PARD3B: variants seen among roughly 807,000 people sequenced by gnomAD.
The protein encoded by PARD3B is partitioning defective 3 homolog B.
In PARD3B, 103 loss-of-function variants were observed where a neutral mutation model predicts 130.2. The ratio of observed to expected loss-of-function variants is 0.79; its 90% CI spans 0.67 to 0.93. The LOEUF (loss-of-function observed/expected upper bound fraction) is 0.93. Among genes scored for constraint, PARD3B ranks in the 40% least tolerant of loss-of-function variants. The probability of loss-of-function intolerance (pLI) is 0.00; values close to 1 mark genes in which losing one functional copy is unlikely to be tolerated. For synonymous variants in PARD3B, 583 were observed against 553.2 expected, an observed-to-expected ratio of 1.05 and a Z score of -0.76; for missense variants, 1,609 against 1,499.2, an observed-to-expected ratio of 1.07 and a Z score of -1.21.
chr2:205,231,329 A>G (rs1371857921), intron 15 of PARD3B, among the ~76,000 whole-genome samples: 1 of 141,610 alleles, frequency 7.1e-6, no homozygotes. Flanking sequence ...TAGATTAACT[A>G]TTTTTTTTTT....
At chr2:205,136,866 G>A (rs769374607) in intron 10 of PARD3B, among the ~76,000 whole-genome samples, 4 of 152,102 alleles carry the variant, frequency 2.6e-5, no homozygotes, top group Non-Finnish European at 5.9e-5. Context: ...GTCCACATTG[G>A]AGATGACAGG....
chr2:205,050,707 G>T, intron 4 of PARD3B, among the ~76,000 whole-genome samples: 1 of 150,570 alleles, frequency 6.6e-6, no homozygotes. Context: ...ATTTTCACCT[G>T]TTTTTACTTT....
chr2:204,839,667 G>T (rs1463275989), intron 2 of PARD3B, among the ~76,000 whole-genome samples: 1 of 152,006 alleles, frequency 6.6e-6, no homozygotes, highest in South Asian at 2.1e-4. Flanking sequence ...CTCATTTTGT[G>T]TGTGCATTTG....
intron 21 of PARD3B, among the ~76,000 whole-genome samples, chr2:205,523,109 CTATCTGTTATGA>C (rs2051154105): frequency 6.6e-6 from 1 of 151,398 alleles, no homozygotes; most frequent in East Asian, 1.9e-4. Context: ...TAACTCATTT[CTATCTGTTATGA>C]TAACTGGGAT....
At chr2:205,209,474 A>G (rs1416060688) in intron 15 of PARD3B, among the ~76,000 whole-genome samples, 3 of 152,234 alleles carry the variant, frequency 2.0e-5, no homozygotes, top group Admixed American at 6.6e-5. Context: ...GAATGGAACA[A>G]AATACTTAAG....
intron 1 of PARD3B, among the ~76,000 whole-genome samples, chr2:204,643,684 G>A (rs2035171890): frequency 6.6e-6 from 1 of 152,090 alleles, no homozygotes; most frequent in Non-Finnish European, 1.5e-5. Context: ...CACACTGGAA[G>A]AAGACAATTC....
At chr2:205,354,076 A>G (rs1574784998) in intron 18 of PARD3B, among the ~76,000 whole-genome samples, 1 of 121,850 alleles carries the variant, frequency 8.2e-6, no homozygotes. Context: ...TCTGTTGCCC[A>G]GGCTGGAGTG....
rs1272082785 is a variant in PARD3B at position 205,530,454 on chromosome 2, C to T, written c.3181-22870C>T. ...AAAATAATTTAAATGTTTGTTGATT[C>T]GTTATTGTCTTTTTGTTTTTATTTT... On this transcript the variant is annotated intron_variant, in intron 21 of 22. Transcript: ENST00000406610. The surrounding 1 kb of genome is among the most constrained non-coding windows in gnomAD (Gnocchi z 4.7). Among the ~76,000 whole-genome samples, 3 of 152,136 alleles carry T rather than the reference C, an allele frequency of 2.0e-5. No individual in the cohort carries two copies. The highest frequency in any genetic ancestry group is 6.5e-5 in the Admixed American group (1 of 15,278).
At chr2:204,706,617 G>A (rs1367886070) in intron 2 of PARD3B, among the ~76,000 whole-genome samples, 6 of 152,222 alleles carry the variant, frequency 3.9e-5, no homozygotes, top group Non-Finnish European at 7.4e-5. Flanking sequence ...AGATTTTAAG[G>A]TATAGAGGAG....
At chr2:205,248,508 C>T (rs1273384126) in intron 16 of PARD3B, among the ~76,000 whole-genome samples, 3 of 151,794 alleles carry the variant, frequency 2.0e-5, no homozygotes, top group Non-Finnish European at 4.4e-5. Context: ...TTTAAATTCA[C>T]CTGTAGTCTC....
intron 15 of PARD3B, among the ~76,000 whole-genome samples, chr2:205,240,690 A>G (rs2039314178): frequency 6.6e-6 from 1 of 152,196 alleles, no homozygotes; most frequent in Non-Finnish European, 1.5e-5. Flanking sequence ...TCTGGGGCCC[A>G]TTAACTCACC....
intron 2 of PARD3B, among the ~76,000 whole-genome samples, chr2:204,889,380 A>T (rs1039873613): frequency 2.0e-5 from 3 of 152,232 alleles, no homozygotes; most frequent in African/African-American, 4.8e-5. Flanking sequence ...TATAAAAGGG[A>T]TGCTGATATT....
chr2:205,498,070 G>C (rs1211282299), intron 20 of PARD3B, among the ~76,000 whole-genome samples: 1 of 148,700 alleles, frequency 6.7e-6, no homozygotes, highest in African/African-American at 2.5e-5. Context: ...CGTGGTGGCA[G>C]GCGCCTGTAA....
chr2:205,415,100 A>G (rs899269989), intron 19 of PARD3B, among the ~76,000 whole-genome samples: 15 of 152,298 alleles, frequency 9.8e-5, no homozygotes, highest in African/African-American at 3.6e-4. Context: ...AAATGAATGC[A>G]TATTGAAAAA....
intron 3 of PARD3B, among the ~76,000 whole-genome samples, chr2:205,004,263 A>C (rs370265608): frequency 8.5e-5 from 13 of 152,226 alleles, no homozygotes; most frequent in Non-Finnish European, 1.6e-4. Context: ...GTGCATTGTC[A>C]GTGCAGATGA....
At chr2:205,382,997 A>T (rs1259019324) in intron 18 of PARD3B, among the ~76,000 whole-genome samples, 1 of 151,994 alleles carries the variant, frequency 6.6e-6, no homozygotes, top group African/African-American at 2.4e-5. Context: ...TTTATTGTAG[A>T]AACCAAGATC....
At chr2:205,380,082 AT>A (rs1388109047) in intron 18 of PARD3B, among the ~76,000 whole-genome samples, 154 of 137,556 alleles carry the variant, frequency 1.1e-3, no homozygotes, top group African/African-American at 3.4e-3. Flanking sequence ...AAAAAAAAAA[AT>A]ATGTATATAT....
rs554762464 is a variant in PARD3B at position 205,323,045 on chromosome 2, G to A, written c.2630+21344G>A. 9.3e-5 allele frequency among the ~76,000 whole-genome samples: 14 copies of A among 150,774 alleles called. No homozygotes were observed. The East Asian group carries it at 2.7e-3, about 30-fold the overall frequency. Reference sequence around the variant, plus strand: ...CCTGCCTCAGCCTCCCAAGTAGCTGGGACTACAGGCGCCCACCACCAAGCC... The same window carrying A: ...CCTGCCTCAGCCTCCCAAGTAGCTGAGACTACAGGCGCCCACCACCAAGCC... On this transcript the variant is annotated intron_variant, in intron 18 of 22. Coordinates refer to ENST00000406610, the MANE Select transcript of PARD3B (RefSeq NM_001302769.2).
chr2:204,692,307 A>G (rs907133467), intron 2 of PARD3B, among the ~76,000 whole-genome samples: 2 of 152,088 alleles, frequency 1.3e-5, no homozygotes, highest in African/African-American at 4.8e-5. Flanking sequence ...GCTAAAGGAA[A>G]TTCCTTGCAT....
Sources: gnomAD v4.1 joint callset for allele counts (sites outside exome capture counted in the v4.1 genomes callset) on GRCh38, gnomAD v4.1.1 for gene constraint, Gnocchi (gnomAD v3.1) non-coding constraint, MANE v1.5 for transcripts, NCBI Gene and HGNC (gene_info 2026-07-23, HGNC 2026-07-21) for gene names.